Variants in ARID5B observed in about 807,000 individuals in gnomAD.
ARID5B encodes the protein AT-rich interactive domain-containing protein 5B.
Under a neutral mutation model 97.2 loss-of-function variants are expected in ARID5B, and 13 were observed. The observed-to-expected ratio is 0.13, with a 90% CI of 0.09 to 0.21. The LOEUF (loss-of-function observed/expected upper bound fraction) is 0.21. ARID5B is among the 10% of genes least tolerant of loss of function. The pLI, the probability that ARID5B is intolerant of heterozygous loss-of-function variation, is 1.00. For missense variants in ARID5B, 1,210 were observed against 1,465.3 expected, an observed-to-expected ratio of 0.83 and a Z score of 2.84; for synonymous variants, 556 against 570.3, an observed-to-expected ratio of 0.97 and a Z score of 0.36.
chr10:62,076,768 G>A (rs1840142799), intron 8 of ARID5B, among the ~76,000 whole-genome samples: 1 of 152,150 alleles, frequency 6.6e-6, no homozygotes, highest in African/African-American at 2.4e-5. Flanking sequence ...AGGTAGTGTA[G>A]TTTATCCTCT....
chr10:61,906,890 C>T (rs1843717537), intron 2 of ARID5B, among the ~76,000 whole-genome samples: 1 of 152,140 alleles, frequency 6.6e-6, no homozygotes, highest in Non-Finnish European at 1.5e-5. Flanking sequence ...TCCTTATTTC[C>T]TAGGATTATT....
intron 3 of ARID5B, among the ~76,000 whole-genome samples, chr10:61,978,235 C>G (rs1379950232): frequency 1.3e-5 from 2 of 152,162 alleles, no homozygotes; most frequent in African/African-American, 2.4e-5. Flanking sequence ...GTTTTGGTAC[C>G]AGTACCATGC....
At position 62,096,690 on chromosome 10, in the gene ARID5B, C is replaced by T. The variant is rs1840475398; in HGVS notation, c.*3660C>T. 1 of 233,350 alleles carries T rather than the reference C, an allele frequency of 4.3e-6. No homozygotes were observed. The highest frequency in any genetic ancestry group is 8.5e-6 in the Non-Finnish European group (1 of 117,982). 14.5% of individuals were successfully genotyped at this position (233,350 alleles called of 1,614,324 possible). On this transcript the variant is annotated 3_prime_UTR_variant, in exon 10 of 10. Coordinates refer to ENST00000279873, the MANE Select transcript of ARID5B (RefSeq NM_032199.3). The stretch of plus-strand genomic sequence containing the variant: ...CTGTAAGGTGATTATTTGTATATAG[C>T]AACATGGCCCAGTGATATTATATAG...
intron 3 of ARID5B, among the ~76,000 whole-genome samples, chr10:61,942,351 C>T (rs1156943523): frequency 1.3e-5 from 2 of 152,078 alleles, no homozygotes; most frequent in African/African-American, 2.4e-5. Context: ...GTGGTTTGGC[C>T]TGGAAAATCT....
At chr10:61,988,604 T>G (rs1838878257) in intron 3 of ARID5B, among the ~76,000 whole-genome samples, 1 of 152,248 alleles carries the variant, frequency 6.6e-6, no homozygotes, top group South Asian at 2.1e-4. Context: ...CTTTTCCTCC[T>G]GTTCTGTTCT....
At position 62,092,718 on chromosome 10, in the gene ARID5B, C is replaced by G. The variant is rs1201566710; in HGVS notation, c.3255C>G (p.Ser1085Arg). 2.0e-5 allele frequency: 32 copies of G among 1,613,988 alleles called. No homozygotes were observed. Among genetic ancestry groups the G allele is most frequent in the Non-Finnish European group, 2.6e-5 (31 of 1,180,020 alleles). Residue 1085 changes from serine (S) to arginine (R), a missense_variant, in exon 10 of 10, where the codon AGC becomes AGG. This residue lies in a region of ARID5B where 800 missense variants were observed against 839.1 expected (regional missense o/e 0.95). Coordinates refer to ENST00000279873, the MANE Select transcript of ARID5B (RefSeq NM_032199.3). ...SPIFPGLYSG[S>R]LCNSGLNSRL... ...TCTTCCCAGGTCTGTATTCCGGGAG[C>G]CTGTGTAACTCGGGCCTCAACTCCA...
At chr10:62,061,188 T>C (rs1839916861) in intron 7 of ARID5B, among the ~76,000 whole-genome samples, 1 of 152,080 alleles carries the variant, frequency 6.6e-6, no homozygotes, top group African/African-American at 2.4e-5. Context: ...CCAATAATGA[T>C]CAAACAAGGT....
intron 7 of ARID5B, among the ~76,000 whole-genome samples, chr10:62,064,314 C>T (rs191579535): frequency 6.6e-6 from 1 of 152,326 alleles, no homozygotes; most frequent in Admixed American, 6.5e-5. Context: ...AAAAGAAAGT[C>T]ATCTTCCTTG....
chr10:61,982,780 G>A (rs1307384988), intron 3 of ARID5B, among the ~76,000 whole-genome samples: 2 of 152,144 alleles, frequency 1.3e-5, no homozygotes, highest in Non-Finnish European at 2.9e-5. Context: ...ACCTAACACT[G>A]GAAGCCCCTT....
chr10:62,085,829 C>T lies in ARID5B; in HGVS notation c.1327C>T (p.Arg443Cys), dbSNP rs774238244. 8.7e-6 allele frequency: 14 copies of T among 1,614,046 alleles called. No individual in the cohort carries two copies. The highest frequency in any genetic ancestry group is 1.7e-4 in the Middle Eastern group (1 of 6,060). The part of the protein sequence containing the change: ...ENKTKVSGTK[R>C]IKHEIPKSKK... ...CAAAACAAAAGTATCTGGAACCAAA[C>T]GCATCAAACATGAAATACCTAAAAG... The change falls in exon 9 of 10, where the codon CGC becomes TGC. Residue 443 changes from arginine (R) to cysteine (C), a missense_variant. Physicochemically the swap from Arg to Cys is radical, Grantham distance 180. Transcript: ENST00000279873.
At chr10:62,049,932 T>G (rs1839763567) in intron 4 of ARID5B, among the ~76,000 whole-genome samples, 1 of 152,214 alleles carries the variant, frequency 6.6e-6, no homozygotes, top group African/African-American at 2.4e-5. Context: ...GTATAATTCA[T>G]TAGCTTGGAG....
Position 62,085,831 on chromosome 10 carries a change from C to G in ARID5B, c.1329C>G (p.Arg443=). ...AAACAAAAGTATCTGGAACCAAACG[C>G]ATCAAACATGAAATACCTAAAAGCA... ...ENKTKVSGTK[R]IKHEIPKSKK... is the part of the protein sequence containing the mutation. Residue 443 remains arginine (R), a synonymous_variant, in exon 9 of 10, where the codon CGC becomes CGG. Coordinates refer to ENST00000279873, the MANE Select transcript of ARID5B (RefSeq NM_032199.3). The G allele has an allele frequency of 6.2e-7, 1 of 1,614,074 alleles. No homozygotes were observed. Among genetic ancestry groups the G allele is most frequent in the Non-Finnish European group, 8.5e-7 (1 of 1,180,016 alleles).
chr10:61,940,125 T>A, intron 2 of ARID5B, 58 bp from the exon 3 acceptor site: 1 of 1,526,924 alleles, frequency 6.5e-7, no homozygotes, highest in South Asian at 1.1e-5. Flanking sequence ...GGAGAGTGGA[T>A]CATTTCCCTC....
intron 3 of ARID5B, among the ~76,000 whole-genome samples, chr10:61,940,899 T>C: frequency 7.7e-6 from 1 of 129,366 alleles, no homozygotes; most frequent in East Asian, 2.2e-4. Context: ...TGCTTGATCT[T>C]TTAGTGTTCA....
intron 8 of ARID5B, among the ~76,000 whole-genome samples, chr10:62,084,719 C>T (rs973747263): frequency 3.3e-5 from 5 of 152,174 alleles, no homozygotes; most frequent in African/African-American, 7.2e-5. Flanking sequence ...TAAAGAGCTA[C>T]GTCGCAAAGG....
intron 3 of ARID5B, among the ~76,000 whole-genome samples, chr10:61,975,589 C>T (rs917844837): frequency 1.3e-4 from 19 of 151,998 alleles, no homozygotes; most frequent in African/African-American, 4.4e-4. Context: ...TATAAGAATT[C>T]CAACCCTGCA....
chr10:61,938,271 A>C (rs1844340203), intron 2 of ARID5B, among the ~76,000 whole-genome samples: 1 of 152,246 alleles, frequency 6.6e-6, no homozygotes, highest in Non-Finnish European at 1.5e-5. Flanking sequence ...ATCTGAAGCA[A>C]CTAGTAATTG....
At chr10:62,037,683 C>A (rs557401220) in intron 4 of ARID5B, among the ~76,000 whole-genome samples, 7 of 152,206 alleles carry the variant, frequency 4.6e-5, no homozygotes, top group Admixed American at 4.6e-4. Flanking sequence ...TAAAGCTAAA[C>A]AAGGGTAACT....
chr10:62,090,500 T>C (rs1840353414), intron 9 of ARID5B, among the ~76,000 whole-genome samples: 1 of 152,188 alleles, frequency 6.6e-6, no homozygotes, highest in African/African-American at 2.4e-5. Context: ...AAACACAACA[T>C]GTAATTTAAA....
Sources: allele counts gnomAD v4.1 joint callset (sites outside exome capture counted in the v4.1 genomes callset), GRCh38; gene constraint gnomAD v4.1.1; regional missense constraint gnomAD v4.1.1; transcripts MANE v1.5; gene names NCBI Gene and HGNC (gene_info 2026-07-23, HGNC 2026-07-21).